GNS: variants seen among roughly 807,000 people sequenced by gnomAD.
GNS encodes the protein N-acetylglucosamine-6-sulfatase.
GNS carries 40 observed loss-of-function variants against 69.7 expected under a neutral mutation model. That is an observed-to-expected ratio of 0.57 (90% CI 0.45 to 0.75). The LOEUF (loss-of-function observed/expected upper bound fraction) is 0.75, where lower values mean the gene tolerates loss of function less well. Ranked by LOEUF, GNS falls within the 30% of genes least tolerant of loss-of-function variation. The pLI is 0.00. For missense variants in GNS, 565 were observed against 685.5 expected (o/e 0.82, Z 1.96); for synonymous variants, 243 against 251.6 (o/e 0.97, Z 0.32).
intron 10 of GNS, among the ~76,000 whole-genome samples, chr12:64,726,178 G>C (rs1318788509): frequency 6.6e-6 from 1 of 151,994 alleles, no homozygotes; most frequent in Admixed American, 6.6e-5. Context: ...TATGTATGTG[G>C]AAGACACGGG....
chr12:64,733,583 T>A (rs1240751099), intron 9 of GNS, among the ~76,000 whole-genome samples: 1 of 152,162 alleles, frequency 6.6e-6, no homozygotes, highest in Admixed American at 6.6e-5. Context: ...CAGAATCCCA[T>A]ATCTTGGTTG....
chr12:64,742,618 T>C (rs2136247283), intron 6 of GNS, among the ~76,000 whole-genome samples: 1 of 152,328 alleles, frequency 6.6e-6, no homozygotes, highest in Non-Finnish European at 1.5e-5. Context: ...AGGCCTTCTG[T>C]CTTTGAACCA....
chr12:64,740,759 T>G lies in GNS; in HGVS notation c.793-71A>C. 6.4e-6 allele frequency: 5 copies of G among 778,250 alleles called. No homozygotes were observed. The Admixed American group carries it at 7.1e-5, about 11-fold the overall frequency. 48.2% of individuals were successfully genotyped at this position (778,250 alleles called of 1,614,324 possible). On this transcript the variant is annotated intron_variant, in intron 6 of 13. Transcript: ENST00000258145. The stretch of plus-strand genomic sequence containing the variant: ...CAAACAAACTACTGGATTACTACAG[T>G]AGATAATAAATAGAACCGTTTCACT...
At chr12:64,741,106 C>CTTTT (rs767815547) in intron 6 of GNS, among the ~76,000 whole-genome samples, 4 of 121,852 alleles carry the variant, frequency 3.3e-5, no homozygotes, top group Non-Finnish European at 3.3e-5. Context: ...ACTTGGGAGG[C>CTTTT]TGAGGCAGGA....
chr12:64,747,963 A>G (rs1169746653), intron 2 of GNS, 45 bp from the exon 3 acceptor site: 1 of 1,005,254 alleles, frequency 9.9e-7, no homozygotes, highest in South Asian at 1.3e-5. Context: ...CACAAGAAAG[A>G]TGGACTTCTC....
intron 9 of GNS, among the ~76,000 whole-genome samples, chr12:64,736,778 G>A (rs1370374276): frequency 6.6e-6 from 1 of 152,020 alleles, no homozygotes; most frequent in Non-Finnish European, 1.5e-5. Context: ...ACAAAGAAAA[G>A]CTATGCATTC....
chr12:64,736,803 T>C (rs1401074980), intron 9 of GNS, among the ~76,000 whole-genome samples: 2 of 152,034 alleles, frequency 1.3e-5, no homozygotes, highest in Non-Finnish European at 2.9e-5. Context: ...GAGACATGTA[T>C]ATGTGGGGTG....
At chr12:64,721,764 G>C in intron 11 of GNS, 59 bp from the exon 12 acceptor site, 1 of 917,574 alleles carries the variant, frequency 1.1e-6, no homozygotes, top group Non-Finnish European at 1.8e-6. Flanking sequence ...CAAATACCTA[G>C]TTGCCTAGAA....
intron 5 of GNS, among the ~76,000 whole-genome samples, chr12:64,744,353 GAATAGGA>G (rs1476487865): frequency 2.0e-5 from 3 of 152,118 alleles, no homozygotes; most frequent in Non-Finnish European, 4.4e-5. Context: ...AAACGCCTCA[GAATAGGA>G]AAGTCCCAAT....
intron 1 of GNS, among the ~76,000 whole-genome samples, chr12:64,755,074 C>T (rs1870206182): frequency 6.6e-6 from 1 of 152,092 alleles, no homozygotes; most frequent in Non-Finnish European, 1.5e-5. Flanking sequence ...GAAGCAAAGA[C>T]AGTGGCTGGT....
rs781300406 is a variant in GNS at position 64,759,038 on chromosome 12, T to A, written c.192+47A>T. The A allele has an allele frequency of 7.8e-6, 11 of 1,419,330 alleles. No individual in the cohort carries two copies. The African/African-American group carries it at 1.4e-4, about 18-fold the overall frequency. 87.9% of individuals were successfully genotyped at this position (1,419,330 alleles called of 1,614,324 possible). On this transcript the variant is annotated intron_variant, in intron 1 of 13. Transcript: ENST00000258145. The stretch of plus-strand genomic sequence containing the variant: ...CCGGGAAAGAGAGCAACAAACCGGG[T>A]AGTCAGCCCAAGAGATAGAGGGGCG...
rs1868861985 is a variant in GNS at position 64,716,505 on chromosome 12, C to T, written c.*236G>A. The T allele has an allele frequency of 1.2e-5, 7 of 574,202 alleles. No individual in the cohort carries two copies. The South Asian group carries it at 1.3e-4, about 11-fold the overall frequency. 35.6% of individuals were successfully genotyped at this position (574,202 alleles called of 1,614,324 possible). A position where few individuals can be genotyped will look rare whatever the true frequency, so the allele number is the denominator to read the frequency against. On this transcript the variant is annotated 3_prime_UTR_variant, in exon 14 of 14. Transcript: ENST00000258145. ...TGAGAACAAAGACCTCAGGAGTGTC[C>T]TTGTCAGCTAAAGGAAGAGACCAGA...
intron 6 of GNS, among the ~76,000 whole-genome samples, chr12:64,741,164 G>T (rs1393023094): frequency 6.5e-5 from 1 of 15,386 alleles, no homozygotes; most frequent in Non-Finnish European, 9.6e-5. Context: ...CCGAGATCCC[G>T]CCACTGCACT....
At chr12:64,751,853 T>TG (rs1418909827) in intron 2 of GNS, among the ~76,000 whole-genome samples, 1 of 146,302 alleles carries the variant, frequency 6.8e-6, no homozygotes, top group Non-Finnish European at 1.5e-5. Flanking sequence ...CAGGGCATGG[T>TG]GGTGGGTGCC....
intron 12 of GNS, among the ~76,000 whole-genome samples, chr12:64,721,358 A>C (rs544959832): frequency 3.2e-4 from 48 of 152,374 alleles, no homozygotes; most frequent in African/African-American, 8.2e-4. Context: ...TGAATTGTGC[A>C]TTTAAAGTGT....
At chr12:64,741,982 A>T (rs779995198) in intron 6 of GNS, among the ~76,000 whole-genome samples, 14 of 151,978 alleles carry the variant, frequency 9.2e-5, no homozygotes, top group African/African-American at 1.4e-4. Context: ...CTATTTTTTA[A>T]TTTATTTTAT....
rs772905463 is a variant in GNS, at chr12:64,743,345, C to T, written c.625-37G>A. On this transcript the variant is annotated intron_variant, in intron 5 of 13. Transcript: ENST00000258145. The stretch of plus-strand genomic sequence containing the variant: ...AAAGATTTGTCATCTCCTACCTTAC[C>T]CAACAGATGAGTATTTAATAGATAA... The T allele has an allele frequency of 5.7e-5, 83 of 1,450,958 alleles. No individual in the cohort carries two copies. In the Admixed American group the frequency reaches 1.4e-3, roughly 24 times the overall value. 89.9% of individuals were successfully genotyped at this position (1,450,958 alleles called of 1,614,324 possible). A position where few individuals can be genotyped will look rare whatever the true frequency, so the allele number is the denominator to read the frequency against.
intron 9 of GNS, among the ~76,000 whole-genome samples, chr12:64,730,326 T>C (rs1869343558): frequency 6.6e-6 from 1 of 151,022 alleles, no homozygotes; most frequent in Non-Finnish European, 1.5e-5. Context: ...GTTGAGAACA[T>C]TTAGATCATC....
intron 9 of GNS, among the ~76,000 whole-genome samples, chr12:64,730,746 A>G (rs996122154): frequency 6.6e-6 from 1 of 152,182 alleles, no homozygotes; most frequent in Non-Finnish European, 1.5e-5. Flanking sequence ...GAAAACAGTC[A>G]TCAAGTGTGA....
Sources: gnomAD v4.1 joint callset for allele counts (sites outside exome capture counted in the v4.1 genomes callset) on GRCh38, gnomAD v4.1.1 for gene constraint, MANE v1.5 for transcripts, NCBI Gene and HGNC (gene_info 2026-07-23, HGNC 2026-07-21) for gene names.